NALF1: variants seen among roughly 807,000 people sequenced by gnomAD.
The protein encoded by NALF1 is family with sequence similarity 155 member A.
Under a neutral mutation model 48.4 loss-of-function variants are expected in NALF1, and 3 were observed. That is an observed-to-expected ratio of 0.06 (90% CI 0.03 to 0.16). NALF1 has a LOEUF of 0.16. Ranked by LOEUF, NALF1 falls within the 10% of genes least tolerant of loss-of-function variation. NALF1 has a pLI of 1.00. For synonymous variants in NALF1, 262 were observed against 245.7 expected, an observed-to-expected ratio of 1.07 and a Z score of -0.62; for missense variants, 526 against 571.5, an observed-to-expected ratio of 0.92 and a Z score of 0.81.
At chr13:107,313,916 C>T (rs1023750067) in intron 1 of NALF1, among the ~76,000 whole-genome samples, 2 of 152,144 alleles carry the variant, frequency 1.3e-5, no homozygotes, top group Non-Finnish European at 2.9e-5. Flanking sequence ...TAAAACCAGG[C>T]TATGTCCCAA....
At chr13:107,485,760 C>T (rs1433841788) in intron 1 of NALF1, among the ~76,000 whole-genome samples, 2 of 152,252 alleles carry the variant, frequency 1.3e-5, no homozygotes, top group Non-Finnish European at 2.9e-5. Flanking sequence ...CACTATGTTG[C>T]TACCTAAAAT....
chr13:107,752,936 T>C (rs919716549), intron 1 of NALF1, among the ~76,000 whole-genome samples: 2 of 152,202 alleles, frequency 1.3e-5, no homozygotes, highest in African/African-American at 2.4e-5. Flanking sequence ...TCCCCCACAT[T>C]AGTACCATGC....
At chr13:107,468,210 G>T (rs973462088) in intron 1 of NALF1, among the ~76,000 whole-genome samples, 4 of 152,156 alleles carry the variant, frequency 2.6e-5, no homozygotes, top group Admixed American at 2.6e-4. Context: ...GAAGAAAATT[G>T]TAGCGGTTAT....
At chr13:107,403,187 GCTTTTTTTTT>G (rs1883839030) in intron 1 of NALF1, among the ~76,000 whole-genome samples, 1 of 77,586 alleles carries the variant, frequency 1.3e-5, no homozygotes, top group Non-Finnish European at 2.5e-5. Flanking sequence ...TCTTGTTCGG[GCTTTTTTTTT>G]TTTTTTTTTT....
At chr13:107,248,122 A>G (rs1269106267) in intron 1 of NALF1, among the ~76,000 whole-genome samples, 1 of 152,136 alleles carries the variant, frequency 6.6e-6, no homozygotes. Flanking sequence ...GCAGCAATGA[A>G]TGAGGGAGAA....
intron 1 of NALF1, among the ~76,000 whole-genome samples, chr13:107,226,909 A>C (rs1880118260): frequency 6.6e-6 from 1 of 152,220 alleles, no homozygotes; most frequent in Admixed American, 6.5e-5. Flanking sequence ...CCCAGAACTG[A>C]TGCGCCCAGA....
chr13:107,754,354 AACACACACACAC>A (rs6145234), intron 1 of NALF1, among the ~76,000 whole-genome samples: 3,147 of 142,334 alleles, frequency 0.022, 121 homozygotes, highest in African/African-American at 0.073. Flanking sequence ...GTACATTGTG[AACACACACACAC>A]ACACACACAC....
chr13:107,767,067 A>G (rs1270555409), intron 1 of NALF1, among the ~76,000 whole-genome samples: 1 of 152,200 alleles, frequency 6.6e-6, no homozygotes, highest in Admixed American at 6.5e-5. Context: ...AAAACAGGAA[A>G]AAAATATAGA....
At chr13:107,545,753 C>A (rs1294908730) in intron 1 of NALF1, among the ~76,000 whole-genome samples, 5 of 152,018 alleles carry the variant, frequency 3.3e-5, no homozygotes, top group Non-Finnish European at 7.4e-5. Flanking sequence ...TGGAAACAGG[C>A]AAGATAGGCA....
chr13:107,473,439 TTAAAA>T (rs1227606295), intron 1 of NALF1, among the ~76,000 whole-genome samples: 1 of 152,122 alleles, frequency 6.6e-6, no homozygotes, highest in Non-Finnish European at 1.5e-5. Context: ...TCCACCAAAA[TTAAAA>T]TAAAACGCAA....
chr13:107,527,323 G>A (rs764348015), intron 1 of NALF1, among the ~76,000 whole-genome samples: 17 of 152,122 alleles, frequency 1.1e-4, no homozygotes, highest in Non-Finnish European at 2.1e-4. Context: ...ATATCTTTGG[G>A]AACATGAACA....
intron 1 of NALF1, among the ~76,000 whole-genome samples, chr13:107,524,694 G>C (rs1481345407): frequency 6.6e-6 from 1 of 152,090 alleles, no homozygotes; most frequent in African/African-American, 2.4e-5. Context: ...TACAGAGATA[G>C]TAACTCAATA....
intron 1 of NALF1, among the ~76,000 whole-genome samples, chr13:107,478,968 T>C (rs1158783848): frequency 6.6e-6 from 1 of 152,164 alleles, no homozygotes; most frequent in African/African-American, 2.4e-5. Context: ...AGTTCAAAAG[T>C]ATCTTCAGGG....
At chr13:107,699,552 G>A (rs1314087245) in intron 1 of NALF1, among the ~76,000 whole-genome samples, 2 of 151,996 alleles carry the variant, frequency 1.3e-5, no homozygotes, top group African/African-American at 2.4e-5. Context: ...CAGTAAGAGG[G>A]GTATGAGGGA....
At chr13:107,231,572 G>A (rs1172137327) in intron 1 of NALF1, among the ~76,000 whole-genome samples, 2 of 152,166 alleles carry the variant, frequency 1.3e-5, no homozygotes, top group Non-Finnish European at 2.9e-5. Flanking sequence ...TCGAATTTCA[G>A]CATCTCTATG....
At chr13:107,512,753 G>A (rs1460485466) in intron 1 of NALF1, among the ~76,000 whole-genome samples, 1 of 152,114 alleles carries the variant, frequency 6.6e-6, no homozygotes, top group South Asian at 2.1e-4. Flanking sequence ...TCATTGTCAT[G>A]GAAAGGGGTG....
chr13:107,503,851 C>G (rs189642826), intron 1 of NALF1, among the ~76,000 whole-genome samples: 1 of 147,612 alleles, frequency 6.8e-6, no homozygotes, highest in African/African-American at 2.5e-5. Flanking sequence ...AGTAGTAGAC[C>G]TAGAGGACAT....
intron 1 of NALF1, among the ~76,000 whole-genome samples, chr13:107,764,730 A>G (rs1278435195): frequency 2.0e-5 from 3 of 152,142 alleles, no homozygotes; most frequent in Non-Finnish European, 4.4e-5. Flanking sequence ...GATGACCATG[A>G]TCTGTATGAT....
chr13:107,523,755 AAC>A (rs1876331828), intron 1 of NALF1, among the ~76,000 whole-genome samples: 1 of 152,082 alleles, frequency 6.6e-6, no homozygotes, highest in Non-Finnish European at 1.5e-5. Flanking sequence ...AGATAAAAAT[AAC>A]AAATTATTTT....
Sources: gnomAD v4.1 joint callset for allele counts (sites outside exome capture counted in the v4.1 genomes callset) on GRCh38, gnomAD v4.1.1 for gene constraint, MANE v1.5 for transcripts, NCBI Gene and HGNC (gene_info 2026-07-23, HGNC 2026-07-21) for gene names.